Variants in AMMECR1 observed in about 807,000 individuals in gnomAD.
AMMECR1 encodes nuclear protein AMMECR1.
A neutral mutation model predicts 22.5 loss-of-function variants in AMMECR1; 3 were observed. The ratio of observed to expected loss-of-function variants is 0.13; its 90% CI spans 0.06 to 0.35. AMMECR1 has a LOEUF of 0.35. AMMECR1 is among the 10% of genes least tolerant of loss of function. The pLI, the probability that AMMECR1 is intolerant of heterozygous loss-of-function variation, is 1.00. For synonymous variants in AMMECR1, 130 were observed against 116.7 expected (o/e 1.11, Z -0.74); for missense variants, 235 against 278.7 (o/e 0.84, Z 1.12).
chrX:110,195,273 C>G lies in AMMECR1; in HGVS notation c.*3247G>C, dbSNP rs1485279367. ...AGCTTTAAGGGTGAGGGGAAGCAAGCCTTGCACTTCCTCCATCAATTTCAC... is the reference window on the plus strand; with the variant it reads ...AGCTTTAAGGGTGAGGGGAAGCAAGGCTTGCACTTCCTCCATCAATTTCAC... On this transcript the variant is annotated 3_prime_UTR_variant, in exon 6 of 6. Transcript: ENST00000262844. The G allele has an allele frequency of 9.0e-6, 1 of 111,625 alleles. No homozygotes were observed. The highest frequency in any genetic ancestry group is 3.3e-5 in the African/African-American group (1 of 30,705). 9.2% of individuals were successfully genotyped at this position (111,625 alleles called of 1,213,427 possible). A position where few individuals can be genotyped will look rare whatever the true frequency, so the allele number is the denominator to read the frequency against.
chrX:110,246,902 C>T (rs1184153014), intron 2 of AMMECR1, among the ~76,000 whole-genome samples: 1 of 112,057 alleles, frequency 8.9e-6, no homozygotes, highest in Non-Finnish European at 1.9e-5. Flanking sequence ...AAATGGGCTA[C>T]ACTATAGGCA....
upstream of AMMECR1, chrX:110,318,110 A>C: frequency 9.3e-7 from 1 of 1,071,988 alleles, no homozygotes; most frequent in Non-Finnish European, 1.2e-6. Context: ...TCCGACCCAT[A>C]AGTGAGGCGA....
chrX:110,274,398 AT>A (rs1039558893), intron 1 of AMMECR1, among the ~76,000 whole-genome samples: 28 of 110,488 alleles, frequency 2.5e-4, no homozygotes, highest in African/African-American at 6.9e-4. Flanking sequence ...TTTTATGTGT[AT>A]TTTTTTTCTT....
At chrX:110,328,759 T>C (rs186586854) in intron 2 of AMMECR1, among the ~76,000 whole-genome samples, 1,888 of 111,000 alleles carry the variant, frequency 0.017, 43 homozygotes, top group African/African-American at 0.058. Flanking sequence ...GAAAGATGGT[T>C]TCCAGCTTCA....
intron 3 of AMMECR1, among the ~76,000 whole-genome samples, chrX:110,213,637 C>T (rs957781921): frequency 1.8e-5 from 2 of 111,679 alleles, no homozygotes; most frequent in Non-Finnish European, 1.9e-5. Flanking sequence ...ATTGTGTCAA[C>T]GTATAATTTT....
In AMMECR1 at chrX:110,194,568, G is replaced by A. The variant is rs2067361503; in HGVS notation, c.*3952C>T. 2 of 111,898 alleles carry A rather than the reference G, an allele frequency of 1.8e-5. No individual in the cohort carries two copies. The highest frequency in any genetic ancestry group is 6.5e-5 in the African/African-American group (2 of 30,772). 9.2% of individuals were successfully genotyped at this position (111,898 alleles called of 1,213,427 possible). A position where few individuals can be genotyped will look rare whatever the true frequency, so the allele number is the denominator to read the frequency against. The stretch of plus-strand genomic sequence containing the variant: ...ATCACCAAGAACTCATTATGCTGGT[G>A]ACAGATTCAAAGTAATTTTGGGGAA... On this transcript the variant is annotated 3_prime_UTR_variant, in exon 6 of 6. Coordinates refer to ENST00000262844, the MANE Select transcript of AMMECR1 (RefSeq NM_015365.3).
At chrX:110,208,962 G>A (rs949474115) in intron 3 of AMMECR1, among the ~76,000 whole-genome samples, 17 of 111,361 alleles carry the variant, frequency 1.5e-4, no homozygotes, top group Non-Finnish European at 3.2e-4. Flanking sequence ...TTCTATCAAA[G>A]TTAGAAAAAT....
chrX:110,254,689 T>C (rs1416144884), intron 2 of AMMECR1, among the ~76,000 whole-genome samples: 1 of 111,747 alleles, frequency 8.9e-6, no homozygotes, highest in Non-Finnish European at 1.9e-5. Flanking sequence ...TGAATTTAGG[T>C]TGACAGTCTA....
At chrX:110,221,362 C>T (rs1227864724) in intron 2 of AMMECR1, among the ~76,000 whole-genome samples, 1 of 111,651 alleles carries the variant, frequency 9.0e-6, no homozygotes, top group African/African-American at 3.3e-5. Flanking sequence ...ATCTACCGCT[C>T]TGTCTCACTA....
intron 2 of AMMECR1, among the ~76,000 whole-genome samples, chrX:110,325,487 T>C (rs1200273700): frequency 8.9e-6 from 1 of 112,086 alleles, no homozygotes; most frequent in Non-Finnish European, 1.9e-5. Context: ...GTTACAGGTG[T>C]GTTAAATTTT....
At chrX:110,214,254 C>A (rs2067461945) in intron 3 of AMMECR1, among the ~76,000 whole-genome samples, 1 of 108,304 alleles carries the variant, frequency 9.2e-6, no homozygotes, top group African/African-American at 3.4e-5. Flanking sequence ...CTGAGCGAGA[C>A]TCTGTCTCGA....
chrX:110,361,469 T>C (rs2068263111), intron 2 of AMMECR1, among the ~76,000 whole-genome samples: 1 of 111,510 alleles, frequency 9.0e-6, no homozygotes, highest in East Asian at 2.8e-4. Context: ...AATTTTATTA[T>C]GTGAATGTCA....
chrX:110,289,993 G>A (rs1378200009), intron 1 of AMMECR1, among the ~76,000 whole-genome samples: 3 of 111,227 alleles, frequency 2.7e-5, no homozygotes, highest in African/African-American at 9.8e-5. Flanking sequence ...AACCCAACTT[G>A]CTCTATTTCC....
intron 2 of AMMECR1, among the ~76,000 whole-genome samples, chrX:110,342,546 A>G (rs1455194949): frequency 9.0e-6 from 1 of 110,512 alleles, no homozygotes; most frequent in African/African-American, 3.3e-5. Context: ...TAATTTTTGT[A>G]TTTTTAGTAG....
intron 1 of AMMECR1, among the ~76,000 whole-genome samples, chrX:110,298,922 A>G (rs1244888277): frequency 1.8e-5 from 2 of 112,199 alleles, no homozygotes; most frequent in African/African-American, 6.5e-5. Context: ...TTCAGACTCC[A>G]TGGACATACA....
chrX:110,346,064 A>G (rs2068187760), intron 2 of AMMECR1, among the ~76,000 whole-genome samples: 1 of 112,352 alleles, frequency 8.9e-6, no homozygotes, highest in South Asian at 3.7e-4. Flanking sequence ...TTTTTCACCA[A>G]CATTTTATTC....
chrX:110,315,868 A>G (rs920807433), intron 1 of AMMECR1, among the ~76,000 whole-genome samples: 1 of 112,482 alleles, frequency 8.9e-6, no homozygotes, highest in Non-Finnish European at 1.9e-5. Flanking sequence ...AAGAGAAGGC[A>G]TAAAAGTCAC....
chrX:110,219,867 A>G (rs765797068), intron 2 of AMMECR1, among the ~76,000 whole-genome samples: 1 of 112,268 alleles, frequency 8.9e-6, no homozygotes, highest in African/African-American at 3.2e-5. Flanking sequence ...AACACAGAAA[A>G]ATTACAAAGG....
chrX:110,301,039 G>C (rs2067964123), intron 1 of AMMECR1, among the ~76,000 whole-genome samples: 1 of 110,974 alleles, frequency 9.0e-6, no homozygotes, highest in African/African-American at 3.3e-5. Flanking sequence ...GTTTACTGTT[G>C]GTTGTATTTT....
Sources: gnomAD v4.1 joint callset for allele counts (sites outside exome capture counted in the v4.1 genomes callset) on GRCh38, gnomAD v4.1.1 for gene constraint, MANE v1.5 for transcripts, NCBI Gene and HGNC (gene_info 2026-07-23, HGNC 2026-07-21) for gene names.